RBM47: variants seen among roughly 807,000 people sequenced by gnomAD.
RBM47 encodes the protein RNA-binding protein 47.
In RBM47, 21 loss-of-function variants were observed where a neutral mutation model predicts 47.1. The observed-to-expected ratio is 0.45, with a 90% confidence interval of 0.32 to 0.64. The LOEUF is 0.64. Ranked by LOEUF, RBM47 falls within the 30% of genes least tolerant of loss-of-function variation. The pLI, the probability that RBM47 is intolerant of heterozygous loss-of-function variation, is 0.05. For missense variants in RBM47, 708 were observed against 870.9 expected (o/e 0.81, Z 2.35); for synonymous variants, 375 against 361.7 (o/e 1.04, Z -0.42).
chr4:40,538,471 C>T (rs373731762), intron 2 of RBM47, among the ~76,000 whole-genome samples: 207 of 151,710 alleles, frequency 1.4e-3, no homozygotes, highest in African/African-American at 4.5e-3. Flanking sequence ...GGACTAGAGG[C>T]GCACGTCACC....
intron 1 of RBM47, among the ~76,000 whole-genome samples, chr4:40,561,868 G>A (rs1730670348): frequency 6.6e-6 from 1 of 151,986 alleles, no homozygotes; most frequent in South Asian, 2.1e-4. Flanking sequence ...CTTAATGTAA[G>A]ATATCCTTTT....
At chr4:40,618,836 G>GAAA (rs1736989881) in intron 1 of RBM47, among the ~76,000 whole-genome samples, 1 of 128,508 alleles carries the variant, frequency 7.8e-6, no homozygotes, top group African/African-American at 2.7e-5. Flanking sequence ...AAAAAAAAAG[G>GAAA]GAAACTTCCA....
At chr4:40,469,444 T>C (rs952282625) in intron 2 of RBM47, among the ~76,000 whole-genome samples, 1 of 150,836 alleles carries the variant, frequency 6.6e-6, no homozygotes, top group African/African-American at 2.4e-5. Flanking sequence ...TTTTTTTTTT[T>C]TTTTTTTGAG....
intron 2 of RBM47, among the ~76,000 whole-genome samples, chr4:40,481,445 G>GTAC (rs1553887618): frequency 5.5e-5 from 7 of 126,962 alleles, no homozygotes; most frequent in Non-Finnish European, 1.1e-4. Flanking sequence ...GCTAATTTTT[G>GTAC]TATTATTATT....
chr4:40,560,866 T>G (rs543969938), intron 1 of RBM47, among the ~76,000 whole-genome samples: 1 of 151,734 alleles, frequency 6.6e-6, no homozygotes, highest in Admixed American at 6.6e-5. Flanking sequence ...CTCAGGAGGC[T>G]GAGGCAGGAG....
chr4:40,476,371 T>A (rs1431613430), intron 2 of RBM47, among the ~76,000 whole-genome samples: 2 of 152,000 alleles, frequency 1.3e-5, no homozygotes, highest in African/African-American at 4.8e-5. Context: ...TCAACAATCA[T>A]GTTTATGATG....
At chr4:40,579,503 T>C (rs1433413408) in intron 1 of RBM47, among the ~76,000 whole-genome samples, 2 of 151,074 alleles carry the variant, frequency 1.3e-5, no homozygotes, top group African/African-American at 2.4e-5. Context: ...GGTAAAACTC[T>C]ATAACTTTAA....
At chr4:40,507,658 G>A (rs2154252208) in intron 2 of RBM47, among the ~76,000 whole-genome samples, 1 of 151,476 alleles carries the variant, frequency 6.6e-6, no homozygotes, top group Non-Finnish European at 1.5e-5. Flanking sequence ...GTGGTGGCGT[G>A]CACCTGTAAT....
intron 1 of RBM47, among the ~76,000 whole-genome samples, chr4:40,625,751 G>A (rs557869034): frequency 6.6e-6 from 1 of 152,148 alleles, no homozygotes; most frequent in African/African-American, 2.4e-5. Flanking sequence ...CATCCCCAAA[G>A]ACAAATATCG....
intron 2 of RBM47, among the ~76,000 whole-genome samples, chr4:40,508,703 T>C (rs1724459456): frequency 1.3e-5 from 2 of 152,046 alleles, no homozygotes; most frequent in Non-Finnish European, 2.9e-5. Flanking sequence ...GAGGGGATAA[T>C]GGGAGGAGAG....
Position 40,436,610 on chromosome 4 carries a change from G to GCC in RBM47, c.1159_1160dup (p.Asn388AlafsTer58). 6.2e-7 allele frequency: 1 copy of GCC among 1,614,104 alleles called. No homozygotes were observed. Among genetic ancestry groups the GCC allele is most frequent in the Non-Finnish European group, 8.5e-7 (1 of 1,180,022 alleles). ...AACCCCTAGGCCCTGGGGCTCTGTT[G>GCC]CCAGCTGCACCTCGCCCTCGGCCTC... On this transcript the variant is annotated frameshift_variant, in exon 5 of 7. Coordinates refer to ENST00000295971, the MANE Select transcript of RBM47 (RefSeq NM_001098634.2). LOFTEE classifies it high-confidence loss of function.
chr4:40,497,472 G>T (rs1433131532), intron 2 of RBM47, among the ~76,000 whole-genome samples: 1 of 151,338 alleles, frequency 6.6e-6, no homozygotes, highest in African/African-American at 2.4e-5. Context: ...TTAAAAATGA[G>T]TTGAGCGTGG....
At chr4:40,501,056 CA>C (rs1723289824) in intron 2 of RBM47, among the ~76,000 whole-genome samples, 2 of 150,718 alleles carry the variant, frequency 1.3e-5, no homozygotes, top group Admixed American at 6.6e-5. Context: ...AAAAAAAAAA[CA>C]AAACAGCAAT....
Position 40,426,102 on chromosome 4 carries a change from A to C in RBM47, c.1584T>G (p.Val528=). 1 of 1,614,174 alleles carries C rather than the reference A, an allele frequency of 6.2e-7. No homozygotes were observed. The highest frequency in any genetic ancestry group is 1.3e-5 in the African/African-American group (1 of 75,042). The part of the protein sequence containing the change: ...ITPVYTVAPN[V]QRIPTAGIYG... ...AGATCCCGGCAGTAGGAATTCTCTG[A>C]ACGTTTGGAGCCACCGTGTATACTG... Residue 528 remains valine (V), a synonymous_variant, in exon 7 of 7, where the codon GTT becomes GTG. Transcript: ENST00000295971.
chr4:40,436,865 G>A (rs1321168492), intron 4 of RBM47: 1 of 682,336 alleles, frequency 1.5e-6, no homozygotes, highest in Admixed American at 2.0e-5. Flanking sequence ...AAACTTGCAG[G>A]GTGAGTTTCT....
At chr4:40,443,500 C>A (rs1560368143) in intron 3 of RBM47, among the ~76,000 whole-genome samples, 1 of 151,718 alleles carries the variant, frequency 6.6e-6, no homozygotes, top group Non-Finnish European at 1.5e-5. Context: ...GGCGGATCAC[C>A]TGAGGTTGGG....
At chr4:40,583,845 G>A (rs1361829976) in intron 1 of RBM47, among the ~76,000 whole-genome samples, 5 of 132,258 alleles carry the variant, frequency 3.8e-5, no homozygotes, top group South Asian at 2.4e-4. Flanking sequence ...GCGAGAGAGC[G>A]AGACTCCGTC....
At chr4:40,533,820 CT>C (rs553506357) in intron 2 of RBM47, among the ~76,000 whole-genome samples, 1,438 of 141,804 alleles carry the variant, frequency 0.01, 15 homozygotes, top group African/African-American at 0.032. Context: ...CTGGTTAATT[CT>C]TTTTTTTTTT....
chr4:40,589,975 C>T, intron 1 of RBM47, among the ~76,000 whole-genome samples: 1 of 151,672 alleles, frequency 6.6e-6, no homozygotes, highest in East Asian at 1.9e-4. Context: ...CCCTTAACGC[C>T]TATTAGAAAA....
Sources: gnomAD v4.1 joint callset for allele counts (sites outside exome capture counted in the v4.1 genomes callset) on GRCh38, gnomAD v4.1.1 for gene constraint, MANE v1.5 for transcripts, NCBI Gene and HGNC (gene_info 2026-07-23, HGNC 2026-07-21) for gene names.